The following TEAD1 variants were observed in gnomAD, a reference collection of about 807,000 sequenced individuals.
TEAD1 encodes the protein TEA domain transcription factor 1.
In TEAD1, 9 loss-of-function variants were observed where a neutral mutation model predicts 54.9. That is an observed-to-expected ratio of 0.16 (90% CI 0.10 to 0.29). TEAD1 has a LOEUF of 0.29. Ranked by LOEUF, TEAD1 falls within the 10% of genes least tolerant of loss-of-function variation. The probability of loss-of-function intolerance (pLI) is 1.00; values close to 1 mark genes in which losing one functional copy is unlikely to be tolerated. For synonymous variants in TEAD1, 200 were observed against 187.8 expected (o/e 1.07, Z -0.53); for missense variants, 387 against 535.9 (o/e 0.72, Z 2.74).
At position 12,937,281 on chromosome 11, in the gene TEAD1, ACACT is replaced by A; in HGVS notation, c.*61_*64del. On this transcript the variant is annotated 3_prime_UTR_variant, in exon 13 of 13. Transcript: ENST00000527636. Reference sequence around the variant, plus strand: ...TACACACACACATATGTGCACACACACACTCTCTCTCCATTATCGAACGACTGAC... The same window carrying A: ...TACACACACACATATGTGCACACACACTCTCTCCATTATCGAACGACTGAC... 7.6e-7 allele frequency: 1 copy of A among 1,315,994 alleles called. No homozygotes were observed. Among genetic ancestry groups the A allele is most frequent in the Non-Finnish European group, 1.1e-6 (1 of 919,792 alleles). 81.5% of individuals were successfully genotyped at this position (1,315,994 alleles called of 1,614,324 possible).
At chr11:12,904,125 A>G (rs1220269442) in intron 10 of TEAD1, among the ~76,000 whole-genome samples, 4 of 152,206 alleles carry the variant, frequency 2.6e-5, no homozygotes, top group Admixed American at 2.6e-4. Flanking sequence ...ATTCACACTG[A>G]TGGTACAAGA....
chr11:12,920,292 A>T (rs564584758), intron 10 of TEAD1, among the ~76,000 whole-genome samples: 1 of 152,200 alleles, frequency 6.6e-6, no homozygotes, highest in African/African-American at 2.4e-5. Flanking sequence ...ATATTCAGCA[A>T]TTTTACTAAC....
intron 3 of TEAD1, among the ~76,000 whole-genome samples, chr11:12,822,115 C>A (rs975933630): frequency 2.6e-5 from 4 of 151,908 alleles, no homozygotes; most frequent in Non-Finnish European, 5.9e-5. Context: ...AGGCACCCAC[C>A]ACCATGCCCG....
intron 2 of TEAD1, among the ~76,000 whole-genome samples, chr11:12,749,078 C>T (rs1014489247): frequency 6.6e-6 from 1 of 152,120 alleles, no homozygotes; most frequent in African/African-American, 2.4e-5. Flanking sequence ...CCTTAATCAG[C>T]AATGTGATGT....
rs1943763649 is a variant in TEAD1, at chr11:12,704,121, T to G, written c.-55+28560T>G. ...TGTTTATTTTCTTTTTATGGCTGAGTTGGCGTTGTGTTTGGTTTGTGTTGG... is the reference window on the plus strand; with the variant it reads ...TGTTTATTTTCTTTTTATGGCTGAGGTGGCGTTGTGTTTGGTTTGTGTTGG... On this transcript the variant is annotated intron_variant, in intron 2 of 12. Transcript: ENST00000527636. 1.3e-5 allele frequency among the ~76,000 whole-genome samples: 2 copies of G among 152,202 alleles called. 1 individual carries two copies. Among genetic ancestry groups the G allele is most frequent in the Non-Finnish European group, 2.9e-5 (2 of 68,042 alleles).
rs932582778 is a variant in TEAD1 at position 12,862,006 on chromosome 11, T to TA, written c.203-236dup. ...TGTCTTTTTTTTTTTTTTTTTTTTT[T>TA]AAAAAAAAGGATAAATTTCTATTCT... On this transcript the variant is annotated intron_variant, in intron 3 of 12. Transcript: ENST00000527636. 1.3e-3 allele frequency among the ~76,000 whole-genome samples: 173 copies of TA among 133,672 alleles called. 3 individuals are homozygous for TA. The highest frequency in any genetic ancestry group is 6.6e-4 in the Non-Finnish European group (41 of 62,182). The allele number at this position is 133,672 out of a possible 152,430, so 87.7% of individuals were successfully genotyped here. A position where few individuals can be genotyped will look rare whatever the true frequency, so the allele number is the denominator to read the frequency against.
intron 3 of TEAD1, among the ~76,000 whole-genome samples, chr11:12,789,979 T>C (rs1159149650): frequency 6.6e-6 from 1 of 152,258 alleles, no homozygotes; most frequent in Admixed American, 6.5e-5. Flanking sequence ...GCTCTGCTAT[T>C]TAAATCTATC....
intron 9 of TEAD1, among the ~76,000 whole-genome samples, chr11:12,892,050 G>A (rs1047392283): frequency 3.9e-5 from 6 of 152,230 alleles, no homozygotes; most frequent in African/African-American, 1.4e-4. Context: ...GCAGGCCTGT[G>A]GTTGAGCCCG....
rs1947928521 is a variant in TEAD1, at chr11:12,879,804, C to T, written c.427C>T (p.Pro143Ser). 1.2e-6 allele frequency: 2 copies of T among 1,613,934 alleles called. No homozygotes were observed. Among genetic ancestry groups the T allele is most frequent in the South Asian group, 2.2e-5 (2 of 91,082 alleles). The change falls in exon 6 of 13, where the codon CCT becomes TCT. Residue 143 changes from proline to serine, a missense_variant. By Grantham distance (74) the Pro-to-Ser change is moderately conservative. This residue lies in a region of TEAD1 where 180 missense variants were observed against 180.6 expected (regional missense o/e 1.00). Transcript: ENST00000527636. The stretch of plus-strand genomic sequence containing the variant: ...TGCCATTCATAACAAGCTGGGGCTG[C>T]CTGGGATTCCACGCCCGACCTTCCC...
At chr11:12,885,439 G>A (rs558885789) in intron 9 of TEAD1, among the ~76,000 whole-genome samples, 7 of 152,014 alleles carry the variant, frequency 4.6e-5, no homozygotes, top group African/African-American at 1.2e-4. Flanking sequence ...GGGTTTCACC[G>A]TGTTAGCCAG....
chr11:12,735,125 A>C (rs182241833), intron 2 of TEAD1, among the ~76,000 whole-genome samples: 25 of 152,350 alleles, frequency 1.6e-4, no homozygotes, highest in African/African-American at 5.8e-4. Context: ...CATTAGGGCC[A>C]GGCAGAAGTT....
At chr11:12,878,875 A>T (rs1267535546) in intron 5 of TEAD1, 1 of 1,281,274 alleles carries the variant, frequency 7.8e-7, no homozygotes, top group Non-Finnish European at 1.0e-6. Context: ...CAAATTGTTT[A>T]TTATTGTATC....
rs540646431 is a variant in TEAD1 at position 12,701,357 on chromosome 11, T to C, written c.-55+25796T>C. On this transcript the variant is annotated intron_variant, in intron 2 of 12. Coordinates refer to ENST00000527636, the MANE Select transcript of TEAD1 (RefSeq NM_021961.6). The stretch of plus-strand genomic sequence containing the variant: ...AATTTTAGTCACTATATGTTGGGGG[T>C]GATTAGGGCTTTTACTTTTCCAGAA... Among the ~76,000 whole-genome samples, 8 of 151,992 alleles carry C rather than the reference T, an allele frequency of 5.3e-5. No individual in the cohort carries two copies. The East Asian group carries it at 1.4e-3, about 26-fold the overall frequency.
At chr11:12,698,353 G>A (rs746387319) in intron 2 of TEAD1, among the ~76,000 whole-genome samples, 36 of 152,154 alleles carry the variant, frequency 2.4e-4, no homozygotes, top group Non-Finnish European at 4.3e-4. Flanking sequence ...GTGAAGTGGG[G>A]GTGGAGGATG....
At chr11:12,755,403 G>A (rs2133913235) in intron 2 of TEAD1, among the ~76,000 whole-genome samples, 2 of 152,270 alleles carry the variant, frequency 1.3e-5, no homozygotes, top group South Asian at 4.1e-4. Flanking sequence ...TGATCCATAG[G>A]TTAGTGGCTA....
At chr11:12,751,981 A>C (rs529177781) in intron 2 of TEAD1, among the ~76,000 whole-genome samples, 5 of 152,250 alleles carry the variant, frequency 3.3e-5, no homozygotes, top group Admixed American at 2.6e-4. Flanking sequence ...TTGCTGTAGA[A>C]CTTTCCTTTG....
chr11:12,754,913 C>T lies in TEAD1; in HGVS notation c.-54-9266C>T, dbSNP rs1182164474. Among the ~76,000 whole-genome samples the T allele has an allele frequency of 2.6e-5, 4 of 152,164 alleles. No homozygotes were observed. In the South Asian group the frequency reaches 6.2e-4, roughly 24 times the overall value. On this transcript the variant is annotated intron_variant, in intron 2 of 12. Transcript: ENST00000527636. The stretch of plus-strand genomic sequence containing the variant: ...GCATGGCCAGAATGAGAGAAGCATC[C>T]AAAGTCATAGAAGCTGGTGGAGAAG...
intron 9 of TEAD1, among the ~76,000 whole-genome samples, chr11:12,889,807 G>C (rs569174600): frequency 6.6e-6 from 1 of 151,996 alleles, no homozygotes; most frequent in East Asian, 1.9e-4. Context: ...CTGCAGCCTC[G>C]ACCTCCCAGG....
chr11:12,680,831 G>A (rs538452080), intron 2 of TEAD1, among the ~76,000 whole-genome samples: 2 of 152,290 alleles, frequency 1.3e-5, no homozygotes, highest in East Asian at 1.9e-4. Context: ...CTGGGTAGGC[G>A]TGCCTATTGT....
Sources: gnomAD v4.1 joint callset for allele counts (sites outside exome capture counted in the v4.1 genomes callset) on GRCh38, gnomAD v4.1.1 for gene constraint, gnomAD v4.1.1 regional missense constraint, MANE v1.5 for transcripts, NCBI Gene and HGNC (gene_info 2026-07-23, HGNC 2026-07-21) for gene names.